The following PIGN variants were observed in gnomAD, a reference collection of about 807,000 sequenced individuals.
PIGN encodes the protein phosphatidylinositol glycan anchor biosynthesis class N, also known as GPI ethanolamine phosphate transferase 1.
PIGN carries 117 observed loss-of-function variants against 125.4 expected under a neutral mutation model. The observed-to-expected ratio is 0.93, with a 90% CI of 0.80 to 1.09. The LOEUF is 1.09. PIGN is among the 50% of genes least tolerant of loss of function. The pLI is 0.00. For synonymous variants in PIGN, 392 were observed against 377.8 expected (o/e 1.04, Z -0.44); for missense variants, 1,075 against 1,094.9 (o/e 0.98, Z 0.26).
At chr18:62,061,648 A>C (rs2032149121) in intron 30 of PIGN, among the ~76,000 whole-genome samples, 1 of 152,220 alleles carries the variant, frequency 6.6e-6, no homozygotes, top group Non-Finnish European at 1.5e-5. Flanking sequence ...TTTAGGAATA[A>C]AATTCGTCAT....
At chr18:62,090,447 TA>T in intron 24 of PIGN, 28 bp downstream of exon 24, 1 of 1,386,170 alleles carries the variant, frequency 7.2e-7, no homozygotes, top group Non-Finnish European at 1.0e-6. Context: ...TAGTCTCAAA[TA>T]AAAACAAAAA....
At chr18:62,032,659 A>T (rs7236353) in intron 23 of PIGN, among the ~76,000 whole-genome samples, 7,055 of 152,228 alleles carry the variant, frequency 0.046, 553 homozygotes, top group African/African-American at 0.16. Context: ...TGCATTTAAA[A>T]TTTTTTTTAA....
At chr18:62,149,008 T>C (rs1277901728) in intron 7 of PIGN, among the ~76,000 whole-genome samples, 2 of 152,202 alleles carry the variant, frequency 1.3e-5, no homozygotes, top group African/African-American at 4.8e-5. Flanking sequence ...CACCCTGTAT[T>C]CACATATGCA....
At chr18:62,027,327 T>C (rs891446219) in intron 23 of PIGN, among the ~76,000 whole-genome samples, 9 of 152,126 alleles carry the variant, frequency 5.9e-5, no homozygotes, top group African/African-American at 2.4e-5. Context: ...ACTTAGAAAG[T>C]TTATTTTGTC....
At chr18:62,127,781 C>G (rs1240038813) in intron 14 of PIGN, among the ~76,000 whole-genome samples, 2 of 152,030 alleles carry the variant, frequency 1.3e-5, no homozygotes, top group Non-Finnish European at 2.9e-5. Context: ...GCCTTGATCT[C>G]CTTGGCTCAA....
intron 23 of PIGN, among the ~76,000 whole-genome samples, chr18:62,022,611 G>T (rs1230834696): frequency 6.6e-6 from 1 of 152,148 alleles, no homozygotes; most frequent in Non-Finnish European, 1.5e-5. Flanking sequence ...TGGTTGCTCT[G>T]TGACCTTTAA....
chr18:62,166,710 A>G (rs1451836217), intron 1 of PIGN, among the ~76,000 whole-genome samples: 1 of 152,258 alleles, frequency 6.6e-6, no homozygotes, highest in Non-Finnish European at 1.5e-5. Context: ...ACACCATGGA[A>G]TATTATGCAG....
intron 14 of PIGN, among the ~76,000 whole-genome samples, chr18:62,128,476 C>T (rs1311829711): frequency 1.3e-5 from 2 of 152,062 alleles, no homozygotes; most frequent in African/African-American, 2.4e-5. Context: ...AAACAAGGAA[C>T]TTTAGAACAG....
Position 62,027,322 on chromosome 18 carries a change from G to A in PIGN, c.2143-9581C>T, listed in dbSNP as rs559715665. On this transcript the variant is annotated intron_variant, in intron 23 of 24. Coordinates refer to the PIGN transcript ENST00000639600. ...TCTGAGACAGGTCTCAGTTAACTTA[G>A]AAAGTTTATTTTGTCAAGGTTGAGG... 2.6e-5 allele frequency among the ~76,000 whole-genome samples: 4 copies of A among 152,314 alleles called. No individual in the cohort carries two copies. The South Asian group carries it at 6.2e-4, about 24-fold the overall frequency.
At chr18:62,127,333 T>G (rs1317921671) in intron 14 of PIGN, among the ~76,000 whole-genome samples, 1 of 152,188 alleles carries the variant, frequency 6.6e-6, no homozygotes, top group Admixed American at 6.5e-5. Flanking sequence ...GGCTACAGTT[T>G]GACAAAATTA....
intron 30 of PIGN, among the ~76,000 whole-genome samples, chr18:62,061,820 A>T (rs17712434): frequency 0.038 from 5,780 of 152,298 alleles, 148 homozygotes; most frequent in Non-Finnish European, 0.057. Flanking sequence ...TAAATGCAAC[A>T]TTCTCACAAA....
chr18:62,122,010 A>G (rs1441376465), intron 14 of PIGN, among the ~76,000 whole-genome samples: 1 of 152,086 alleles, frequency 6.6e-6, no homozygotes, highest in Non-Finnish European at 1.5e-5. Flanking sequence ...GGGAGTAGAG[A>G]GTAGACTGGT....
chr18:62,076,637 T>C (rs921140870), intron 28 of PIGN, among the ~76,000 whole-genome samples: 1 of 152,228 alleles, frequency 6.6e-6, no homozygotes, highest in Non-Finnish European at 1.5e-5. Flanking sequence ...CATTTTGAGT[T>C]AATTTTTGAA....
At chr18:62,105,742 AC>A (rs2034614281) in intron 19 of PIGN, 108 bp from the exon 20 acceptor site, 1 of 552,620 alleles carries the variant, frequency 1.8e-6, no homozygotes, top group African/African-American at 1.9e-5. Flanking sequence ...GCAAAGCCTT[AC>A]AGCTGTTTAT....
At chr18:62,103,148 A>G (rs1162366453) in intron 20 of PIGN, among the ~76,000 whole-genome samples, 1 of 152,098 alleles carries the variant, frequency 6.6e-6, no homozygotes, top group East Asian at 1.9e-4. Context: ...TCTCCCCACA[A>G]TTTTCTAAGT....
intron 22 of PIGN, among the ~76,000 whole-genome samples, chr18:62,098,309 TC>T (rs1236401593): frequency 6.6e-6 from 1 of 152,212 alleles, no homozygotes; most frequent in Non-Finnish European, 1.5e-5. Context: ...TGACTTTTTT[TC>T]CAGATGTGTA....
chr18:62,086,432 C>G (rs949546262), intron 25 of PIGN, among the ~76,000 whole-genome samples: 2 of 152,040 alleles, frequency 1.3e-5, no homozygotes, highest in Admixed American at 6.6e-5. Context: ...TCCTGGCCAA[C>G]ATGGTGAAAC....
intron 14 of PIGN, 120 bp from the exon 15 acceptor site, chr18:62,114,759 A>G (rs1568191220): frequency 2.0e-6 from 1 of 494,484 alleles, no homozygotes; most frequent in Non-Finnish European, 3.5e-6. Context: ...CAAAACAAAA[A>G]TCAAAGAAAA....
chr18:62,146,008 G>T lies in PIGN; in HGVS notation c.823C>A (p.His275Asn). ...MTDWGSHGAG[H>N]PSETLTPLVT... is the part of the protein sequence containing the mutation. The stretch of plus-strand genomic sequence containing the variant: ...AAAGGAGTTAAAGTCTCTGAAGGAT[G>T]ACCAGCCCCATGGGAACCTACAAAT... The change falls in exon 10 of 31, where the codon CAT (histidine) becomes AAT (asparagine). Residue 275 changes from histidine (H) to asparagine (N), a missense_variant. By Grantham distance (68) the His-to-Asn change is moderately conservative (BLOSUM62 1). Around this residue, in one of 3 missense-constraint regions of PIGN, gnomAD observed 915 missense variants for 908.7 expected, o/e 1.01. Coordinates refer to ENST00000640252, the MANE Select transcript of PIGN (RefSeq NM_176787.5). The T allele has an allele frequency of 6.3e-7, 1 of 1,577,470 alleles. No homozygotes were observed. The highest frequency in any genetic ancestry group is 1.2e-5 in the South Asian group (1 of 85,404).
Sources: gnomAD v4.1 joint callset for allele counts (sites outside exome capture counted in the v4.1 genomes callset) on GRCh38, gnomAD v4.1.1 for gene constraint, gnomAD v4.1.1 regional missense constraint, MANE v1.5 for transcripts, NCBI Gene and HGNC (gene_info 2026-07-23, HGNC 2026-07-21) for gene names.